CREB5: variants seen among roughly 807,000 people sequenced by gnomAD.
CREB5 encodes the protein cyclic AMP-responsive element-binding protein 5.
Under a neutral mutation model 57.1 loss-of-function variants are expected in CREB5, and 19 were observed. The observed-to-expected ratio is 0.33, with a 90% CI of 0.23 to 0.49. The LOEUF (loss-of-function observed/expected upper bound fraction) is 0.49. CREB5 is among the 20% of genes least tolerant of loss of function. The pLI, the probability that CREB5 is intolerant of heterozygous loss-of-function variation, is 0.99. For synonymous variants in CREB5, 238 were observed against 238.3 expected (o/e 1.00, Z 0.01); for missense variants, 579 against 671.6 (o/e 0.86, Z 1.52).
At chr7:28,494,795 C>G in intron 2 of CREB5, 111 bp from the exon 3 acceptor site, 1 of 605,770 alleles carries the variant, frequency 1.7e-6, no homozygotes, top group Non-Finnish European at 2.7e-6. Flanking sequence ...TTTTGTTTTG[C>G]CTGTCATGTT....
At chr7:28,611,543 G>A (rs1797386531) in intron 5 of CREB5, among the ~76,000 whole-genome samples, 1 of 144,928 alleles carries the variant, frequency 6.9e-6, no homozygotes, top group Non-Finnish European at 1.5e-5. Flanking sequence ...GTGTGCCCCT[G>A]TAATTCCTGT....
At chr7:28,317,511 G>A (rs906754520) in intron 1 of CREB5, among the ~76,000 whole-genome samples, 4 of 152,174 alleles carry the variant, frequency 2.6e-5, no homozygotes, top group East Asian at 1.9e-4. Context: ...TGTGGTATAG[G>A]CATCAAGAGG....
At chr7:28,560,891 T>TGCGTGCGCGCGTGC (rs1314317818) in intron 4 of CREB5, among the ~76,000 whole-genome samples, 1 of 19,726 alleles carries the variant, frequency 5.1e-5, no homozygotes, top group African/African-American at 2.2e-4. Flanking sequence ...TGCGTGCGTG[T>TGCGTGCGCGCGTGC]GTGTGCGTGC....
rs1011459254 is a variant in CREB5, at chr7:28,318,287, G to A, written c.-25+18846G>A. ...ACATGAATGTTGTATTATTGACGTA[G>A]CCAATCTGCAATGTATTGGTTCCAA... On this transcript the variant is annotated intron_variant, in intron 1 of 9. Transcript: ENST00000396299. Among the ~76,000 whole-genome samples the A allele has an allele frequency of 3.0e-4, 46 of 152,182 alleles. 1 individual carries two copies. The highest frequency in any genetic ancestry group is 4.4e-5 in the Non-Finnish European group (3 of 68,042).
intron 7 of CREB5, among the ~76,000 whole-genome samples, chr7:28,726,508 G>A (rs546106896): frequency 8.8e-4 from 134 of 151,912 alleles, no homozygotes; most frequent in Non-Finnish European, 1.4e-3. Flanking sequence ...AAGCTTTTAC[G>A]AAATACAAAG....
chr7:28,381,575 G>T (rs117512579), intron 1 of CREB5, among the ~76,000 whole-genome samples: 2 of 152,310 alleles, frequency 1.3e-5, no homozygotes, highest in East Asian at 3.9e-4. Context: ...GCCTAATTGT[G>T]AAGCATTACA....
intron 1 of CREB5, among the ~76,000 whole-genome samples, chr7:28,461,889 T>C (rs1790364827): frequency 6.6e-6 from 1 of 152,144 alleles, no homozygotes; most frequent in Non-Finnish European, 1.5e-5. Context: ...AATATAAATA[T>C]ATATGTCAGC....
chr7:28,508,188 A>G (rs1355743125), intron 4 of CREB5, among the ~76,000 whole-genome samples: 1 of 152,222 alleles, frequency 6.6e-6, no homozygotes, highest in South Asian at 2.1e-4. Context: ...TTGTTCTAGT[A>G]TTGAACATCT....
intron 5 of CREB5, among the ~76,000 whole-genome samples, chr7:28,599,867 A>G (rs1231409133): frequency 6.6e-6 from 1 of 152,178 alleles, no homozygotes; most frequent in Non-Finnish European, 1.5e-5. Context: ...AGTGATCTTT[A>G]GGATACTATT....
At chr7:28,722,910 C>T (rs1051181647) in intron 6 of CREB5, among the ~76,000 whole-genome samples, 1 of 152,194 alleles carries the variant, frequency 6.6e-6, no homozygotes, top group Non-Finnish European at 1.5e-5. Context: ...AATTATACCC[C>T]TGCTCCGAGG....
chr7:28,393,319 A>G (rs1311589297), intron 1 of CREB5, among the ~76,000 whole-genome samples: 1 of 152,188 alleles, frequency 6.6e-6, no homozygotes, highest in Admixed American at 6.5e-5. Context: ...TGCATTTCAC[A>G]AAGCAGCGAG....
At chr7:28,445,380 G>GA (rs1789391858) in intron 1 of CREB5, among the ~76,000 whole-genome samples, 1 of 152,078 alleles carries the variant, frequency 6.6e-6, no homozygotes, top group South Asian at 2.1e-4. Flanking sequence ...TTTCTCTTCA[G>GA]ATAGGCTCTG....
chr7:28,468,234 G>A (rs1790670142), intron 1 of CREB5, among the ~76,000 whole-genome samples: 2 of 152,192 alleles, frequency 1.3e-5, no homozygotes, highest in African/African-American at 4.8e-5. Flanking sequence ...GCCAGCACCA[G>A]GTCCTGTCTG....
chr7:28,568,453 T>C (rs962811531), intron 4 of CREB5, among the ~76,000 whole-genome samples: 12 of 152,176 alleles, frequency 7.9e-5, no homozygotes, highest in African/African-American at 2.7e-4. Flanking sequence ...AATAAGTTTG[T>C]CAAGGTTCAG....
rs541560087 is a variant in CREB5 at position 28,471,874 on chromosome 7, C to T, written c.4-16301C>T. Among the ~76,000 whole-genome samples the T allele has an allele frequency of 2.0e-5, 3 of 152,094 alleles. No individual in the cohort carries two copies. The East Asian group carries it at 5.8e-4, about 29-fold the overall frequency. Reference sequence around the variant, plus strand: ...ACAAAAAATGCATTATCTCATTGTCCCACTGTAGCCACTATTAATCTGTTA... The same window carrying T: ...ACAAAAAATGCATTATCTCATTGTCTCACTGTAGCCACTATTAATCTGTTA... On this transcript the variant is annotated intron_variant, in intron 1 of 10. Transcript: ENST00000357727.
chr7:28,397,009 T>G (rs1274063647), intron 1 of CREB5, among the ~76,000 whole-genome samples: 1 of 152,228 alleles, frequency 6.6e-6, no homozygotes, highest in Non-Finnish European at 1.5e-5. Flanking sequence ...TAAGGCTATG[T>G]AGATATTTTC....
chr7:28,690,433 G>T (rs1367599346), intron 5 of CREB5, among the ~76,000 whole-genome samples: 1 of 152,134 alleles, frequency 6.6e-6, no homozygotes, highest in Non-Finnish European at 1.5e-5. Flanking sequence ...AGGAAGGATG[G>T]GGATAATATC....
chr7:28,445,197 G>A (rs925085438), intron 1 of CREB5, among the ~76,000 whole-genome samples: 22 of 152,142 alleles, frequency 1.4e-4, no homozygotes, highest in African/African-American at 4.1e-4. Flanking sequence ...ACGTGGAACT[G>A]CGAGTCAATT....
intron 5 of CREB5, among the ~76,000 whole-genome samples, chr7:28,605,521 A>G (rs1386106068): frequency 6.6e-6 from 1 of 152,184 alleles, no homozygotes; most frequent in East Asian, 1.9e-4. Context: ...TTATTTCAAA[A>G]ATATCTTTTT....
Sources: gnomAD v4.1 joint callset for allele counts (sites outside exome capture counted in the v4.1 genomes callset) on GRCh38, gnomAD v4.1.1 for gene constraint, MANE v1.5 for transcripts, NCBI Gene and HGNC (gene_info 2026-07-23, HGNC 2026-07-21) for gene names.